The following TRPM3 variants were observed in gnomAD, a reference collection of about 807,000 sequenced individuals.
TRPM3 encodes transient receptor potential cation channel subfamily M member 3, also known as long transient receptor potential channel 3.
A neutral mutation model predicts 181.2 loss-of-function variants in TRPM3; 77 were observed. The ratio of observed to expected loss-of-function variants is 0.42; its 90% confidence interval spans 0.35 to 0.51. The LOEUF is 0.51. Ranked by LOEUF, TRPM3 falls within the 20% of genes least tolerant of loss-of-function variation. The pLI is 0.01. For synonymous variants in TRPM3, 745 were observed against 796.4 expected (o/e 0.94, Z 1.09); for missense variants, 1,759 against 2,196.7 (o/e 0.80, Z 3.98).
chr9:71,064,069 A>G (rs185970103), intron 1 of TRPM3, among the ~76,000 whole-genome samples: 161 of 152,242 alleles, frequency 1.1e-3, no homozygotes, highest in African/African-American at 3.6e-3. Context: ...CCATTAAAGA[A>G]GTTTCTAAAA....
chr9:71,172,349 G>A (rs1770505974), intron 1 of TRPM3, among the ~76,000 whole-genome samples: 1 of 152,060 alleles, frequency 6.6e-6, no homozygotes, highest in African/African-American at 2.4e-5. Context: ...CAGAATAAAT[G>A]TCTTTAATAG....
intron 12 of TRPM3, among the ~76,000 whole-genome samples, chr9:70,629,272 C>T (rs1260103199): frequency 8.2e-6 from 1 of 121,588 alleles, no homozygotes; most frequent in African/African-American, 2.9e-5. Flanking sequence ...TTCACCTAAC[C>T]GAAGCCAATG....
intron 1 of TRPM3, among the ~76,000 whole-genome samples, chr9:71,071,672 G>C (rs891142589): frequency 3.3e-5 from 5 of 152,160 alleles, no homozygotes; most frequent in African/African-American, 1.2e-4. Context: ...AGAGTGATTA[G>C]AGATATGGAA....
chr9:70,655,890 G>C (rs570241120), intron 9 of TRPM3, among the ~76,000 whole-genome samples: 1 of 152,232 alleles, frequency 6.6e-6, no homozygotes, highest in East Asian at 1.9e-4. Context: ...GAATCTATAA[G>C]ATATATTTCT....
intron 1 of TRPM3, among the ~76,000 whole-genome samples, chr9:70,910,596 C>G (rs112211001): frequency 6.6e-6 from 1 of 151,982 alleles, no homozygotes; most frequent in South Asian, 2.1e-4. Flanking sequence ...AATAGGTATG[C>G]CATAGAAGCT....
chr9:70,652,564 C>A (rs995561344), intron 9 of TRPM3, among the ~76,000 whole-genome samples: 1 of 152,118 alleles, frequency 6.6e-6, no homozygotes, highest in Non-Finnish European at 1.5e-5. Flanking sequence ...CAGTGACAGC[C>A]AATTACATGC....
intron 9 of TRPM3, among the ~76,000 whole-genome samples, chr9:70,681,233 T>C (rs2065351754): frequency 6.6e-6 from 1 of 152,150 alleles, no homozygotes; most frequent in African/African-American, 2.4e-5. Context: ...GCATCTTACA[T>C]ATTATGTCAG....
At chr9:71,020,338 T>C (rs1453291395) in intron 1 of TRPM3, among the ~76,000 whole-genome samples, 1 of 151,814 alleles carries the variant, frequency 6.6e-6, no homozygotes, top group Non-Finnish European at 1.5e-5. Context: ...AAATTAACCA[T>C]GCATGGTGGT....
chr9:70,931,658 G>T (rs1361873637), intron 1 of TRPM3, among the ~76,000 whole-genome samples: 8 of 151,958 alleles, frequency 5.3e-5, no homozygotes, highest in Admixed American at 5.2e-4. Flanking sequence ...GAAAAAATTG[G>T]TCTCTGGAGA....
intron 8 of TRPM3, among the ~76,000 whole-genome samples, chr9:70,698,527 T>C (rs2071345984): frequency 6.6e-6 from 1 of 152,234 alleles, no homozygotes; most frequent in East Asian, 1.9e-4. Context: ...TTATTATTAC[T>C]GAATTATACA....
chr9:71,148,865 T>C (rs2134607252), intron 1 of TRPM3, among the ~76,000 whole-genome samples: 1 of 152,230 alleles, frequency 6.6e-6, no homozygotes, highest in Admixed American at 6.5e-5. Flanking sequence ...GTCATTATAG[T>C]AATAGAACTA....
At chr9:70,779,754 T>C (rs1180763400) in intron 7 of TRPM3, among the ~76,000 whole-genome samples, 1 of 152,220 alleles carries the variant, frequency 6.6e-6, no homozygotes, top group Admixed American at 6.5e-5. Context: ...TAGTCATTCA[T>C]GATTTAGAAA....
intron 8 of TRPM3, among the ~76,000 whole-genome samples, chr9:70,744,205 G>A (rs1223143976): frequency 6.6e-6 from 1 of 152,164 alleles, no homozygotes; most frequent in Non-Finnish European, 1.5e-5. Flanking sequence ...GTGGGTGCCT[G>A]TAATTCCAGC....
chr9:71,338,487 T>C (rs1013028180), intron 1 of TRPM3, among the ~76,000 whole-genome samples: 1 of 152,108 alleles, frequency 6.6e-6, no homozygotes, highest in Admixed American at 6.6e-5. Context: ...CCAAGGCAGA[T>C]TTTAGAATTA....
chr9:71,407,122 G>A (rs548263063), intron 1 of TRPM3, among the ~76,000 whole-genome samples: 5 of 152,250 alleles, frequency 3.3e-5, no homozygotes, highest in African/African-American at 4.8e-5. Context: ...CAAGATGGCC[G>A]AATAGGAACA....
At chr9:70,548,981 C>A (rs899960771) in intron 25 of TRPM3, among the ~76,000 whole-genome samples, 1 of 151,954 alleles carries the variant, frequency 6.6e-6, no homozygotes, top group African/African-American at 2.4e-5. Context: ...GTAGAAAAAT[C>A]TGCTTTTATT....
intron 1 of TRPM3, among the ~76,000 whole-genome samples, chr9:71,039,651 C>T (rs73647936): frequency 0.037 from 5,669 of 152,208 alleles, 386 homozygotes; most frequent in African/African-American, 0.13. Flanking sequence ...TAGACATAAA[C>T]AGGTCCCAAT....
intron 1 of TRPM3, among the ~76,000 whole-genome samples, chr9:70,921,563 T>A (rs1394913086): frequency 6.6e-6 from 1 of 152,188 alleles, no homozygotes; most frequent in Non-Finnish European, 1.5e-5. Flanking sequence ...GAGAAGAGGT[T>A]GTTACTCCCT....
In TRPM3 at chr9:70,592,091, T is replaced by C. The variant is rs151210350; in HGVS notation, c.3049-886A>G. ...GATCTGTTTCTTATATGCCAAATTA[T>C]TTTCCTTTTATCACTCAAAATATTA... On this transcript the variant is annotated intron_variant, in intron 21 of 25. Transcript: ENST00000677713. Among the ~76,000 whole-genome samples the C allele has an allele frequency of 7.5e-4, 115 of 152,342 alleles. 1 individual carries two copies. The highest frequency in any genetic ancestry group is 2.4e-3 in the African/African-American group (98 of 41,578).
Sources: allele counts gnomAD v4.1 joint callset (sites outside exome capture counted in the v4.1 genomes callset), GRCh38; gene constraint gnomAD v4.1.1; transcripts MANE v1.5; gene names NCBI Gene and HGNC (gene_info 2026-07-23, HGNC 2026-07-21).